Variants in CFDP1 observed in about 807,000 individuals in gnomAD.
CFDP1 encodes heterochromatin-stabilizing protein CFDP1.
CFDP1 carries 31 observed loss-of-function variants against 40.1 expected under a neutral mutation model. That is an observed-to-expected ratio of 0.77 (90% CI 0.58 to 1.04). The LOEUF (loss-of-function observed/expected upper bound fraction) is 1.04, where lower values mean the gene tolerates loss of function less well. Ranked by LOEUF, CFDP1 falls within the 50% of genes least tolerant of loss-of-function variation. The probability of loss-of-function intolerance (pLI) is 0.00; values close to 1 mark genes in which losing one functional copy is unlikely to be tolerated. For synonymous variants in CFDP1, 167 were observed against 120.0 expected (o/e 1.39, Z -2.56); for missense variants, 423 against 343.4 (o/e 1.23, Z -1.83).
intron 5 of CFDP1, chr16:75,362,818 T>A (rs2078688454): frequency 6.6e-6 from 1 of 152,216 alleles, no homozygotes; most frequent in Non-Finnish European, 1.5e-5. Flanking sequence ...TAATTCTTTT[T>A]ATAAACAATG....
chr16:75,339,302 C>T (rs914644654), intron 5 of CFDP1, among the ~76,000 whole-genome samples: 1 of 152,178 alleles, frequency 6.6e-6, no homozygotes, highest in African/African-American at 2.4e-5. Flanking sequence ...GAGGTTCTAA[C>T]TAAAGGATCA....
At chr16:75,426,035 CAAAAAAAAA>C (rs71134711) in intron 1 of CFDP1, among the ~76,000 whole-genome samples, 10 of 34,512 alleles carry the variant, frequency 2.9e-4, no homozygotes, top group African/African-American at 1.3e-3. Context: ...CACTCTGTCT[CAAAAAAAAA>C]AAAAAAAAAA....
At chr16:75,338,853 T>C (rs2078508096) in intron 5 of CFDP1, among the ~76,000 whole-genome samples, 1 of 152,196 alleles carries the variant, frequency 6.6e-6, no homozygotes, top group South Asian at 2.1e-4. Context: ...TCTGAATATG[T>C]TACTTTATCA....
intron 1 of CFDP1, among the ~76,000 whole-genome samples, chr16:75,426,915 T>A (rs2079348490): frequency 6.6e-6 from 1 of 151,000 alleles, no homozygotes; most frequent in Admixed American, 6.6e-5. Context: ...ATTAGCTGGG[T>A]GTGGTGGCGA....
At chr16:75,415,592 TTTTCAAC>T (rs765150763) in intron 1 of CFDP1, among the ~76,000 whole-genome samples, 6 of 152,314 alleles carry the variant, frequency 3.9e-5, no homozygotes, top group Middle Eastern at 3.4e-3. Flanking sequence ...TTTTGCCTGC[TTTTCAAC>T]TTTCAACAGA....
At chr16:75,330,467 T>C (rs960095554) in intron 5 of CFDP1, among the ~76,000 whole-genome samples, 7 of 152,202 alleles carry the variant, frequency 4.6e-5, no homozygotes, top group African/African-American at 1.4e-4. Flanking sequence ...CGCATGCCTG[T>C]AATCCCAGTT....
chr16:75,300,488 T>C (rs1375333026), intron 6 of CFDP1, among the ~76,000 whole-genome samples: 1 of 152,178 alleles, frequency 6.6e-6, no homozygotes, highest in East Asian at 1.9e-4. Flanking sequence ...GGTTTCACCA[T>C]GTGGGCCAGG....
intron 5 of CFDP1, among the ~76,000 whole-genome samples, chr16:75,320,536 G>T (rs2078355532): frequency 6.6e-6 from 1 of 152,114 alleles, no homozygotes; most frequent in African/African-American, 2.4e-5. Flanking sequence ...CATTTGCTTT[G>T]GGAAACTTGG....
chr16:75,313,299 A>C (rs944081834), intron 5 of CFDP1, among the ~76,000 whole-genome samples: 1 of 152,176 alleles, frequency 6.6e-6, no homozygotes, highest in African/African-American at 2.4e-5. Flanking sequence ...AGGAAGATGT[A>C]AAAGAACTTG....
intron 5 of CFDP1, among the ~76,000 whole-genome samples, chr16:75,326,275 A>T (rs1025830447): frequency 6.6e-6 from 1 of 152,160 alleles, no homozygotes; most frequent in African/African-American, 2.4e-5. Flanking sequence ...GGCTAGTTTT[A>T]AAGTCATGTA....
chr16:75,349,684 A>AT (rs1555557207), intron 5 of CFDP1, among the ~76,000 whole-genome samples: 103 of 8,264 alleles, frequency 0.012, 9 homozygotes, highest in Admixed American at 0.019. Flanking sequence ...AAAAAAAAAA[A>AT]AAAAAAATAT....
At chr16:75,407,288 AG>A (rs2079109137) in intron 4 of CFDP1, among the ~76,000 whole-genome samples, 1 of 152,194 alleles carries the variant, frequency 6.6e-6, no homozygotes. Context: ...ATAAATTATA[AG>A]GGTAAAAATG....
At chr16:75,337,463 CCAGT>C (rs2078497491) in intron 5 of CFDP1, among the ~76,000 whole-genome samples, 1 of 152,230 alleles carries the variant, frequency 6.6e-6, no homozygotes, top group African/African-American at 2.4e-5. Context: ...ACTAACCTCT[CCAGT>C]CACTCAATCC....
At chr16:75,311,461 A>T (rs2078292022) in intron 5 of CFDP1, among the ~76,000 whole-genome samples, 2 of 152,092 alleles carry the variant, frequency 1.3e-5, no homozygotes, top group Non-Finnish European at 2.9e-5. Flanking sequence ...AATGTACTAA[A>T]TCCTCATTAT....
intron 5 of CFDP1, among the ~76,000 whole-genome samples, chr16:75,389,052 C>T (rs2078925158): frequency 6.6e-6 from 1 of 152,032 alleles, no homozygotes; most frequent in African/African-American, 2.4e-5. Flanking sequence ...AAACAGTAGG[C>T]CCTTAATTAA....
At chr16:75,356,191 T>C (rs1197585573) in intron 5 of CFDP1, among the ~76,000 whole-genome samples, 2 of 152,246 alleles carry the variant, frequency 1.3e-5, no homozygotes, top group African/African-American at 4.8e-5. Flanking sequence ...CTACGGCAGC[T>C]ATAGCCTTAT....
At chr16:75,375,081 T>C (rs973623567) in intron 5 of CFDP1, among the ~76,000 whole-genome samples, 2 of 150,750 alleles carry the variant, frequency 1.3e-5, no homozygotes, top group Non-Finnish European at 3.0e-5. Context: ...AATGTGTCCA[T>C]ATATGAAAAT....
rs745349266 is a variant in CFDP1, at chr16:75,414,596, G to A, written c.164C>T (p.Ala55Val). The change falls in exon 2 of 7, where the codon GCC becomes GTC. Residue 55 changes from alanine to valine, a missense_variant. Physicochemically the swap from Ala to Val is moderately conservative, Grantham distance 64. Transcript: ENST00000283882. ...TQKTQGKKRK[A>V]QSIPARKRRQ... ...GCATCACCTGGCTGGAATGCTCTGG[G>A]CCTTTCTTTTTTTCCCTTGGGTTTT... is the stretch of plus-strand genomic sequence containing the variant. 3.1e-6 allele frequency: 5 copies of A among 1,612,470 alleles called. No individual in the cohort carries two copies. Among genetic ancestry groups the A allele is most frequent in the East Asian group, 2.2e-5 (1 of 44,836 alleles).
intron 2 of CFDP1, among the ~76,000 whole-genome samples, chr16:75,414,259 A>G (rs1238697985): frequency 6.6e-6 from 1 of 152,184 alleles, no homozygotes; most frequent in Non-Finnish European, 1.5e-5. Context: ...GCATGCACAG[A>G]CTATCTCTGG....
Sources: allele counts gnomAD v4.1 joint callset (sites outside exome capture counted in the v4.1 genomes callset), GRCh38; gene constraint gnomAD v4.1.1; transcripts MANE v1.5; gene names NCBI Gene and HGNC (gene_info 2026-07-23, HGNC 2026-07-21).